The following NPAS3 variants were observed in gnomAD, a reference collection of about 807,000 sequenced individuals.
The protein encoded by NPAS3 is neuronal PAS domain protein 3.
NPAS3 carries 14 observed loss-of-function variants against 73.1 expected under a neutral mutation model. The ratio of observed to expected loss-of-function variants is 0.19; its 90% CI spans 0.13 to 0.30. The LOEUF (loss-of-function observed/expected upper bound fraction) is 0.30. NPAS3 is among the 10% of genes least tolerant of loss of function. NPAS3 has a pLI of 1.00. For synonymous variants in NPAS3, 620 were observed against 541.5 expected (o/e 1.14, Z -2.01); for missense variants, 1,096 against 1,250.0 (o/e 0.88, Z 1.86).
intron 4 of NPAS3, among the ~76,000 whole-genome samples, chr14:33,368,782 T>G (rs953277424): frequency 1.1e-4 from 16 of 152,294 alleles, no homozygotes; most frequent in Middle Eastern, 6.8e-3. Context: ...AATTGTTACT[T>G]CCTTTTCTCT....
At chr14:33,126,980 A>G (rs1323473614) in intron 2 of NPAS3, among the ~76,000 whole-genome samples, 1 of 152,136 alleles carries the variant, frequency 6.6e-6, no homozygotes, top group Admixed American at 6.6e-5. Flanking sequence ...TTAAAAAACT[A>G]GAACTGTAGT....
chr14:33,490,176 G>A (rs757227103), intron 4 of NPAS3, among the ~76,000 whole-genome samples: 12 of 152,062 alleles, frequency 7.9e-5, no homozygotes, highest in South Asian at 2.1e-4. Flanking sequence ...CCCTGTATTC[G>A]TTTCATGGGC....
At chr14:33,416,712 C>A (rs2048162791) in intron 4 of NPAS3, among the ~76,000 whole-genome samples, 1 of 151,882 alleles carries the variant, frequency 6.6e-6, no homozygotes, top group South Asian at 2.1e-4. Flanking sequence ...TATTCTTACT[C>A]CATCACAAGA....
intron 1 of NPAS3, among the ~76,000 whole-genome samples, chr14:32,964,064 A>T (rs2037043702): frequency 6.6e-6 from 1 of 150,658 alleles, no homozygotes; most frequent in Non-Finnish European, 1.5e-5. Flanking sequence ...AAAAATGCTG[A>T]TCAGAATATA....
At chr14:33,637,340 T>C (rs2058549629) in intron 5 of NPAS3, among the ~76,000 whole-genome samples, 1 of 152,210 alleles carries the variant, frequency 6.6e-6, no homozygotes, top group Non-Finnish European at 1.5e-5. Context: ...CTAATAATCA[T>C]CTCCACTTTG....
At chr14:33,439,361 G>T (rs1178383131) in intron 4 of NPAS3, among the ~76,000 whole-genome samples, 2 of 152,204 alleles carry the variant, frequency 1.3e-5, no homozygotes, top group Non-Finnish European at 2.9e-5. Flanking sequence ...AGTTGCATGA[G>T]TGGTTATACC....
At chr14:33,777,347 T>G (rs1826157101) in intron 8 of NPAS3, among the ~76,000 whole-genome samples, 1 of 152,168 alleles carries the variant, frequency 6.6e-6, no homozygotes, top group South Asian at 2.1e-4. Context: ...AAAATCCTAG[T>G]TTGGCCAAAA....
At chr14:33,315,487 T>C (rs2043172425) in intron 3 of NPAS3, among the ~76,000 whole-genome samples, 1 of 143,282 alleles carries the variant, frequency 7.0e-6, no homozygotes, top group Non-Finnish European at 1.5e-5. Context: ...ACGTTTTGCA[T>C]GAGATTAGAA....
intron 4 of NPAS3, among the ~76,000 whole-genome samples, chr14:33,536,436 T>C (rs2054264444): frequency 6.6e-6 from 1 of 152,224 alleles, no homozygotes; most frequent in South Asian, 2.1e-4. Context: ...TGCTAGATTG[T>C]ATTTTTTCCC....
At chr14:32,963,084 T>C (rs983982329) in intron 1 of NPAS3, among the ~76,000 whole-genome samples, 8 of 152,120 alleles carry the variant, frequency 5.3e-5, no homozygotes, top group East Asian at 1.9e-4. Flanking sequence ...GCTTTTCTCA[T>C]AGTGGTGATT....
At chr14:33,567,054 A>G (rs2055989927) in intron 5 of NPAS3, among the ~76,000 whole-genome samples, 2 of 152,244 alleles carry the variant, frequency 1.3e-5, no homozygotes, top group African/African-American at 4.8e-5. Context: ...TTTTCTGTTG[A>G]TATGTATGGA....
chr14:33,318,713 A>T (rs911686953), intron 3 of NPAS3, among the ~76,000 whole-genome samples: 1 of 152,132 alleles, frequency 6.6e-6, no homozygotes, highest in Non-Finnish European at 1.5e-5. Flanking sequence ...AAAGTTGGGG[A>T]AATGTATAGT....
At chr14:33,175,011 A>G (rs1465419773) in intron 2 of NPAS3, among the ~76,000 whole-genome samples, 3 of 152,224 alleles carry the variant, frequency 2.0e-5, no homozygotes, top group Non-Finnish European at 2.9e-5. Flanking sequence ...ACATTGAGGA[A>G]AAGCATGGTA....
At chr14:33,344,172 C>T (rs1391538494) in intron 3 of NPAS3, among the ~76,000 whole-genome samples, 1 of 152,056 alleles carries the variant, frequency 6.6e-6, no homozygotes, top group Non-Finnish European at 1.5e-5. Context: ...ATTTTCTTTG[C>T]AAAGGAGAGA....
intron 6 of NPAS3, among the ~76,000 whole-genome samples, chr14:33,707,623 T>G (rs900129235): frequency 6.6e-6 from 1 of 152,160 alleles, no homozygotes; most frequent in Non-Finnish European, 1.5e-5. Context: ...GGTGGAAAAG[T>G]ATGCTTTAAA....
At chr14:33,293,690 A>G (rs550023782) in intron 3 of NPAS3, among the ~76,000 whole-genome samples, 1 of 152,320 alleles carries the variant, frequency 6.6e-6, no homozygotes, top group South Asian at 2.1e-4. Context: ...TTATGATTGT[A>G]AAAGGTTAGT....
At chr14:33,567,053 G>T (rs2055989772) in intron 5 of NPAS3, among the ~76,000 whole-genome samples, 2 of 152,154 alleles carry the variant, frequency 1.3e-5, no homozygotes, top group African/African-American at 2.4e-5. Context: ...TTTTTCTGTT[G>T]ATATGTATGG....
chr14:32,966,042 A>G (rs2037141523), intron 1 of NPAS3, among the ~76,000 whole-genome samples: 3 of 152,174 alleles, frequency 2.0e-5, no homozygotes, highest in Admixed American at 6.5e-5. Flanking sequence ...TGATGAAATA[A>G]ATTGAAGAGG....
At chr14:33,549,834 A>C (rs2055027584) in intron 4 of NPAS3, among the ~76,000 whole-genome samples, 1 of 152,192 alleles carries the variant, frequency 6.6e-6, no homozygotes, top group Non-Finnish European at 1.5e-5. Flanking sequence ...ATTTCGGTGT[A>C]ATCACCTTTT....
Sources: gnomAD v4.1 joint callset for allele counts (sites outside exome capture counted in the v4.1 genomes callset) on GRCh38, gnomAD v4.1.1 for gene constraint, MANE v1.5 for transcripts, NCBI Gene and HGNC (gene_info 2026-07-23, HGNC 2026-07-21) for gene names.